RABGAP1L: variants seen among roughly 807,000 people sequenced by gnomAD.
RABGAP1L encodes the protein RAB GTPase activating protein 1 like.
A neutral mutation model predicts 137.7 loss-of-function variants in RABGAP1L; 63 were observed. The observed-to-expected ratio is 0.46, with a 90% CI of 0.37 to 0.56. The LOEUF (loss-of-function observed/expected upper bound fraction) is 0.56, where lower values mean the gene tolerates loss of function less well. Among genes scored for constraint, RABGAP1L ranks in the 20% least tolerant of loss-of-function variants. The pLI is 0.00. For missense variants in RABGAP1L, 1,095 were observed against 1,244.0 expected (o/e 0.88, Z 1.80); for synonymous variants, 431 against 433.7 (o/e 0.99, Z 0.08).
chr1:174,803,130 T>C (rs1688913395), intron 18 of RABGAP1L, among the ~76,000 whole-genome samples: 1 of 152,234 alleles, frequency 6.6e-6, no homozygotes, highest in South Asian at 2.1e-4. Flanking sequence ...GATAGTGTTG[T>C]GGATTTGGTC....
At chr1:174,420,428 G>A (rs1295590376) in intron 13 of RABGAP1L, among the ~76,000 whole-genome samples, 1 of 152,046 alleles carries the variant, frequency 6.6e-6, no homozygotes, top group Non-Finnish European at 1.5e-5. Context: ...TACTGACATA[G>A]AGATAATGAT....
At chr1:174,581,692 G>A (rs183775944) in intron 13 of RABGAP1L, among the ~76,000 whole-genome samples, 623 of 152,168 alleles carry the variant, frequency 4.1e-3, no homozygotes, top group Non-Finnish European at 7.5e-3. Context: ...AAATTTTTTC[G>A]TATGTGAATT....
chr1:174,384,680 C>G (rs1686592464), intron 12 of RABGAP1L, among the ~76,000 whole-genome samples: 1 of 152,120 alleles, frequency 6.6e-6, no homozygotes. Context: ...TCTTAACTAA[C>G]TTCTCTCTTC....
rs148901840 is a variant in RABGAP1L, at chr1:174,937,619, A to AATATATATATATATATATATATATATAT, written c.2341-19822_2341-19821insATATATATATATATATATATATATATAT. ...ATTTTTAAATAGCAATACTTCATTA[A>AATATATATATATATATATATATATATAT]ATATATATATATATATCTTGCAGTT... On this transcript the variant is annotated intron_variant, in intron 19 of 25. Coordinates refer to ENST00000681986, the MANE Select transcript of RABGAP1L (RefSeq NM_001366446.1). 2.2e-3 allele frequency among the ~76,000 whole-genome samples: 236 copies of AATATATATATATATATATATATATATAT among 109,500 alleles called. 10 individuals carry two copies. The highest frequency in any genetic ancestry group is 8.8e-3 in the African/African-American group (175 of 19,830). 71.8% of individuals were successfully genotyped at this position (109,500 alleles called of 152,430 possible).
At chr1:174,355,379 T>C (rs573434754) in intron 11 of RABGAP1L, among the ~76,000 whole-genome samples, 10 of 147,976 alleles carry the variant, frequency 6.8e-5, no homozygotes, top group Non-Finnish European at 1.0e-4. Flanking sequence ...AACCAAACAC[T>C]GCATGTTCTC....
chr1:174,478,391 C>T (rs1445404843), intron 13 of RABGAP1L, among the ~76,000 whole-genome samples: 3 of 151,840 alleles, frequency 2.0e-5, no homozygotes, highest in Non-Finnish European at 4.4e-5. Flanking sequence ...CTGCCTTAGT[C>T]TCCTTAGTAG....
intron 15 of RABGAP1L, among the ~76,000 whole-genome samples, chr1:174,697,779 C>T (rs1170042902): frequency 1.3e-5 from 2 of 152,140 alleles, no homozygotes; most frequent in African/African-American, 2.4e-5. Flanking sequence ...GTAAAGAATA[C>T]AGTGTAATTG....
intron 10 of RABGAP1L, among the ~76,000 whole-genome samples, chr1:174,299,593 C>T (rs916293052): frequency 1.3e-5 from 2 of 152,314 alleles, no homozygotes; most frequent in East Asian, 3.9e-4. Context: ...AACAAACATG[C>T]TCCAAATCTT....
intron 1 of RABGAP1L, among the ~76,000 whole-genome samples, chr1:174,170,204 TTCTC>T (rs1433491754): frequency 2.6e-5 from 4 of 152,214 alleles, no homozygotes; most frequent in African/African-American, 4.8e-5. Flanking sequence ...CACAACTTCT[TTCTC>T]CTCTTTGCAC....
intron 19 of RABGAP1L, among the ~76,000 whole-genome samples, chr1:174,834,714 AT>A (rs1424979152): frequency 6.6e-6 from 1 of 151,060 alleles, no homozygotes; most frequent in East Asian, 2.0e-4. Flanking sequence ...TATCAATTAT[AT>A]TTTTATATGC....
intron 13 of RABGAP1L, among the ~76,000 whole-genome samples, chr1:174,564,867 C>T (rs573265385): frequency 6.6e-6 from 1 of 152,242 alleles, no homozygotes; most frequent in East Asian, 1.9e-4. Flanking sequence ...GTGGGCCACC[C>T]TGAACACATA....
rs776447350 is a variant in RABGAP1L, at chr1:174,448,688, T to C, written c.1710+54543T>C. 20 of 1,613,952 alleles carry C rather than the reference T, an allele frequency of 1.2e-5. No homozygotes were observed. The highest frequency in any genetic ancestry group is 1.5e-5 in the Non-Finnish European group (18 of 1,179,910). On this transcript the variant is annotated intron_variant, in intron 13 of 25. Coordinates refer to ENST00000681986, the MANE Select transcript of RABGAP1L (RefSeq NM_001366446.1). This position sits in a 1 kb window ranked among gnomAD's most constrained non-coding sequence, Gnocchi z 4.2. The stretch of plus-strand genomic sequence containing the variant: ...TTACCATGGTGACATTTTTGAATGG[T>C]GTGCCACGTCTTGGCTCACCAGTGC...
In RABGAP1L at chr1:174,611,331, G is replaced by C. The variant is rs575996637; in HGVS notation, c.1711-26044G>C. Among the ~76,000 whole-genome samples the C allele has an allele frequency of 2.4e-4, 36 of 152,150 alleles. No homozygotes were observed. The East Asian group carries it at 6.0e-3, about 25-fold the overall frequency. On this transcript the variant is annotated intron_variant, in intron 13 of 25. Coordinates refer to ENST00000681986, the MANE Select transcript of RABGAP1L (RefSeq NM_001366446.1). ...ATAGGGAATCCTTTCCCCATTGCTT[G>C]TTTTTCTCAGGTTTGTCAAAAATCA...
At chr1:174,218,537 G>A (rs1669514866) in intron 1 of RABGAP1L, among the ~76,000 whole-genome samples, 1 of 152,090 alleles carries the variant, frequency 6.6e-6, no homozygotes, top group Non-Finnish European at 1.5e-5. Flanking sequence ...CAATATAGAA[G>A]CTTTTTTCTT....
In RABGAP1L at chr1:174,393,990, C is replaced by T. The variant is rs1647501152; in HGVS notation, c.1560-5C>T. On this transcript the variant is annotated splice_region_variant and splice_polypyrimidine_tract_variant and intron_variant, in intron 12 of 25. Coordinates refer to ENST00000681986, the MANE Select transcript of RABGAP1L (RefSeq NM_001366446.1). The stretch of plus-strand genomic sequence containing the variant: ...TGTGAATGGATTATTTTCTTGTCTT[C>T]TCAGGCACAGTAACCTTGGTGCACG... The T allele has an allele frequency of 1.2e-6, 2 of 1,611,074 alleles. No homozygotes were observed. The highest frequency in any genetic ancestry group is 1.3e-5 in the African/African-American group (1 of 74,766).
chr1:174,826,693 T>G (rs1691599846), intron 19 of RABGAP1L, among the ~76,000 whole-genome samples: 1 of 152,252 alleles, frequency 6.6e-6, no homozygotes, highest in Non-Finnish European at 1.5e-5. Flanking sequence ...CAAATAGTAA[T>G]TCAACATTTC....
intron 17 of RABGAP1L, among the ~76,000 whole-genome samples, chr1:174,716,514 C>T (rs1681023760): frequency 6.6e-6 from 1 of 152,152 alleles, no homozygotes; most frequent in South Asian, 2.1e-4. Context: ...TTAACCATAT[C>T]TAAACATACA....
At chr1:174,438,742 GTGTATATATA>G (rs1653747970) in intron 13 of RABGAP1L, among the ~76,000 whole-genome samples, 1 of 65,802 alleles carries the variant, frequency 1.5e-5, no homozygotes, top group African/African-American at 1.4e-4. Context: ...AAGTGTGTGT[GTGTATATATA>G]TATATATATA....
chr1:174,840,162 T>C (rs958817234), intron 19 of RABGAP1L, among the ~76,000 whole-genome samples: 1 of 152,130 alleles, frequency 6.6e-6, no homozygotes, highest in Non-Finnish European at 1.5e-5. Flanking sequence ...AAGCATGACA[T>C]AGAGTATGGG....
Sources: gnomAD v4.1 joint callset for allele counts (sites outside exome capture counted in the v4.1 genomes callset) on GRCh38, gnomAD v4.1.1 for gene constraint, Gnocchi (gnomAD v3.1) non-coding constraint, MANE v1.5 for transcripts, NCBI Gene and HGNC (gene_info 2026-07-23, HGNC 2026-07-21) for gene names.